Variants in MYOF observed in about 807,000 individuals in gnomAD.
The protein encoded by MYOF is fer-1-like 3, myoferlin.
Under a neutral mutation model 284.2 loss-of-function variants are expected in MYOF, and 244 were observed. The observed-to-expected ratio is 0.86, with a 90% CI of 0.77 to 0.95. The LOEUF is 0.95. MYOF is among the 40% of genes least tolerant of loss of function. The pLI is 0.00. For missense variants in MYOF, 2,496 were observed against 2,560.6 expected (o/e 0.97, Z 0.54); for synonymous variants, 904 against 919.7 (o/e 0.98, Z 0.31).
intron 39 of MYOF, chr10:93,338,285 CTA>C: frequency 2.2e-6 from 1 of 459,398 alleles, no homozygotes; most frequent in Non-Finnish European, 4.3e-6. Flanking sequence ...GTGTTTTCTA[CTA>C]TCTCATTTTC....
intron 3 of MYOF, among the ~76,000 whole-genome samples, chr10:93,437,928 T>A (rs990874215): frequency 4.6e-5 from 7 of 151,966 alleles, no homozygotes; most frequent in Non-Finnish European, 1.0e-4. Context: ...TGACAAAGAG[T>A]CTTTGCTTGG....
At chr10:93,320,441 A>G (rs1268441673) in intron 48 of MYOF, among the ~76,000 whole-genome samples, 3 of 152,180 alleles carry the variant, frequency 2.0e-5, no homozygotes, top group Non-Finnish European at 4.4e-5. Context: ...CCTTTCCCAT[A>G]TTTTACTTAA....
chr10:93,432,553 C>G lies in MYOF; in HGVS notation c.237-1037G>C, dbSNP rs61340190. Among the ~76,000 whole-genome samples the G allele has an allele frequency of 1.4e-3, 208 of 152,112 alleles. 2 individuals carry two copies. The highest frequency in any genetic ancestry group is 6.8e-3 in the Middle Eastern group (2 of 294). ...AAATCTTTGCCCACTGTGAAAATAT[C>G]CCCCCAAGTAGACCTTCTAGGGTTG... On this transcript the variant is annotated intron_variant, in intron 3 of 53. Transcript: ENST00000359263.
chr10:93,394,443 C>CTTTTTTTTTTTTT (rs1193314228), intron 16 of MYOF, among the ~76,000 whole-genome samples: 2 of 58,860 alleles, frequency 3.4e-5, no homozygotes, highest in Non-Finnish European at 7.5e-5. Flanking sequence ...TGGTCACCAT[C>CTTTTTTTTTTTTT]TTGTCTTTTT....
chr10:93,422,864 C>T (rs916834597), intron 5 of MYOF, among the ~76,000 whole-genome samples: 2 of 152,064 alleles, frequency 1.3e-5, no homozygotes, highest in Non-Finnish European at 1.5e-5. Flanking sequence ...AATGGTGTGG[C>T]GCTGATCTCT....
At position 93,338,925 on chromosome 10, in the gene MYOF, C is replaced by CA. The variant is rs200398994; in HGVS notation, c.4339-1013dup. Among the ~76,000 whole-genome samples the CA allele has an allele frequency of 5.0e-3, 655 of 129,854 alleles. 3 individuals are homozygous for CA. Among genetic ancestry groups the CA allele is most frequent in the East Asian group, 9.9e-3 (44 of 4,462 alleles). 85.2% of individuals were successfully genotyped at this position (129,854 alleles called of 152,430 possible). ...TAACCTACCTTGGAAATAATAACGC[C>CA]AAAAAAAAAAACAAACAAAAAAACA... is the stretch of plus-strand genomic sequence containing the variant. On this transcript the variant is annotated intron_variant, in intron 39 of 53. Transcript: ENST00000359263.
At chr10:93,393,933 T>C (rs1260672843) in intron 16 of MYOF, among the ~76,000 whole-genome samples, 2 of 152,240 alleles carry the variant, frequency 1.3e-5, no homozygotes, top group Non-Finnish European at 1.5e-5. Context: ...AGCAACCATA[T>C]AAATATTCTC....
intron 31 of MYOF, among the ~76,000 whole-genome samples, chr10:93,355,204 C>A (rs787628): frequency 2.0e-5 from 3 of 152,128 alleles, no homozygotes; most frequent in Non-Finnish European, 4.4e-5. Context: ...ATGAAAGTCA[C>A]GTTTGCATGA....
At chr10:93,389,957 G>A (rs1846595950) in intron 17 of MYOF, among the ~76,000 whole-genome samples, 1 of 152,214 alleles carries the variant, frequency 6.6e-6, no homozygotes, top group South Asian at 2.1e-4. Context: ...AGGGAGATCA[G>A]CTTTGGTTCA....
Position 93,351,217 on chromosome 10 carries a change from C to A in MYOF, c.3901G>T (p.Val1301Phe). Residue 1301 changes from valine (V) to phenylalanine (F), a missense_variant, in exon 35 of 54, where the codon GTC (valine) becomes TTC (phenylalanine). Physicochemically the swap from Val to Phe is conservative, Grantham distance 50. Around this residue, in one of 3 missense-constraint regions of MYOF, gnomAD observed 2,436 missense variants for 2,480.7 expected, o/e 0.98. Transcript: ENST00000359263. ...CATACCTCAATGGCAGTGAGCTGGA[C>A]CACAGGCCTGATCCCCTGGGGGACC... Reference protein sequence around the residue: ...YMVPQGIRPVVQLTAIEILAW... With the variant: ...YMVPQGIRPVFQLTAIEILAW... The A allele has an allele frequency of 6.2e-7, 1 of 1,614,140 alleles. No individual in the cohort carries two copies. The highest frequency in any genetic ancestry group is 1.3e-5 in the African/African-American group (1 of 75,018).
At chr10:93,353,673 G>T in intron 32 of MYOF, 138 bp downstream of exon 32, 1 of 613,672 alleles carries the variant, frequency 1.6e-6, no homozygotes, top group South Asian at 2.5e-5. Context: ...TGAGCAGTTT[G>T]CTTCAAGCAT....
intron 5 of MYOF, among the ~76,000 whole-genome samples, chr10:93,423,716 C>T (rs886369807): frequency 6.6e-6 from 1 of 151,424 alleles, no homozygotes; most frequent in African/African-American, 2.4e-5. Context: ...GCCTATAGTC[C>T]CAGCTACTCG....
At chr10:93,341,555 G>T (rs4917746) in intron 38 of MYOF, among the ~76,000 whole-genome samples, 37,780 of 152,218 alleles carry the variant, frequency 0.25, 6,468 homozygotes, top group East Asian at 0.89. Context: ...GGGATTACAG[G>T]CGTAAGCCAC....
At position 93,369,759 on chromosome 10, in the gene MYOF, GT is replaced by G. The variant is rs776353584; in HGVS notation, c.2474del (p.Asn825ThrfsTer12). The G allele has an allele frequency of 8.1e-6, 13 of 1,614,024 alleles. No homozygotes were observed. In the African/African-American group the frequency reaches 1.3e-4, roughly 17 times the overall value. On this transcript the variant is annotated frameshift_variant, in exon 25 of 54. Transcript: ENST00000359263. LOFTEE classifies it high-confidence loss of function. ...TIFLKYPQEKNNGPKVPVELR... is the reference protein window; with the variant it reads ...TIFLKYPQEKXNGPKVPVELR... Reference sequence around the variant, plus strand: ...ACTCCACAGGCACCTTTGGCCCGTTGTTTTTCTCCTGTGGATACTGTGAGAT... The same window carrying G: ...ACTCCACAGGCACCTTTGGCCCGTTGTTTTCTCCTGTGGATACTGTGAGAT...
Position 93,456,896 on chromosome 10 carries a change from G to T in MYOF, c.130C>A (p.Pro44Thr). ...AATGAAGTCACCTCATTCCAGACAG[G>T]GTTCAATTCATTATCAACTTTCTTT... ...KTKKVDNELN[P>T]VWNEILEFDL... Residue 44 changes from proline (P) to threonine (T), a missense_variant, in exon 2 of 54, where the codon CCT (proline) becomes ACT (threonine). By Grantham distance (38) the Pro-to-Thr change is conservative (BLOSUM62 -1). Coordinates refer to ENST00000359263, the MANE Select transcript of MYOF (RefSeq NM_013451.4). 1 of 1,607,264 alleles carries T rather than the reference G, an allele frequency of 6.2e-7. No homozygotes were observed. Among genetic ancestry groups the T allele is most frequent in the Non-Finnish European group, 8.5e-7 (1 of 1,177,094 alleles).
intron 23 of MYOF, 44 bp downstream of exon 23, chr10:93,374,719 C>G (rs1421944960): frequency 1.2e-5 from 19 of 1,577,880 alleles, no homozygotes; most frequent in Admixed American, 1.8e-5. Context: ...TCGCAGAGCC[C>G]TTCTTCCATA....
At position 93,335,643 on chromosome 10, in the gene MYOF, C is replaced by T. The variant is rs539739002; in HGVS notation, c.4563+278G>A. Among the ~76,000 whole-genome samples, 35 of 151,524 alleles carry T rather than the reference C, an allele frequency of 2.3e-4. No individual in the cohort carries two copies. The South Asian group carries it at 6.9e-3, about 30-fold the overall frequency. On this transcript the variant is annotated intron_variant, in intron 41 of 53. Transcript: ENST00000359263. ...AGATGGCTCAGTCAAGGCTGCTTGG[C>T]GTGAGCAGGGAGGCAGGAAGAGATG... is the stretch of plus-strand genomic sequence containing the variant.
At chr10:93,462,598 A>G (rs183587372) in intron 1 of MYOF, among the ~76,000 whole-genome samples, 5 of 152,256 alleles carry the variant, frequency 3.3e-5, no homozygotes, top group African/African-American at 7.2e-5. Context: ...AATAAGGAAA[A>G]ACTAAGTGGC....
chr10:93,399,038 G>A (rs1721800), intron 13 of MYOF, among the ~76,000 whole-genome samples: 56,150 of 150,194 alleles, frequency 0.37, 12,268 homozygotes, highest in Middle Eastern at 0.59. Context: ...CTGGGGGGGG[G>A]TCTCTGTCCT....
Sources: gnomAD v4.1 joint callset for allele counts (sites outside exome capture counted in the v4.1 genomes callset) on GRCh38, gnomAD v4.1.1 for gene constraint, gnomAD v4.1.1 regional missense constraint, MANE v1.5 for transcripts, NCBI Gene and HGNC (gene_info 2026-07-23, HGNC 2026-07-21) for gene names.